Variants in PCDHA7 observed in about 807,000 individuals in gnomAD.
PCDHA7 encodes the protein protocadherin alpha-7.
PCDHA7 carries 37 observed loss-of-function variants against 57.2 expected under a neutral mutation model. That is an observed-to-expected ratio of 0.65 (90% CI 0.50 to 0.85). PCDHA7 has a LOEUF of 0.85. PCDHA7 is among the 40% of genes least tolerant of loss of function. The probability of loss-of-function intolerance (pLI) is 0.00; values close to 1 mark genes in which losing one functional copy is unlikely to be tolerated. For missense variants in PCDHA7, 1,188 were observed against 1,241.8 expected (o/e 0.96, Z 0.65); for synonymous variants, 553 against 558.8 (o/e 0.99, Z 0.15).
intron 1 of PCDHA7, chr5:140,869,751 C>T (rs1562632987): frequency 1.2e-6 from 2 of 1,613,134 alleles, no homozygotes; most frequent in Non-Finnish European, 1.7e-6. Context: ...CAGCTACAGA[C>T]GGGGGAAAAC....
chr5:140,865,419 T>A (rs1327080302), intron 1 of PCDHA7: 2 of 152,314 alleles, frequency 1.3e-5, no homozygotes, highest in African/African-American at 4.8e-5. Flanking sequence ...ATTAGTAGTG[T>A]CTACCTAGAA....
chr5:140,978,829 T>C, intron 1 of PCDHA7, 120 bp from the exon 2 acceptor site: 1 of 1,533,852 alleles, frequency 6.5e-7, no homozygotes, highest in Non-Finnish European at 8.8e-7. Flanking sequence ...ATGAAATGGC[T>C]CATTCAATAC....
At chr5:140,841,678 G>A in intron 1 of PCDHA7, 3 of 1,613,980 alleles carry the variant, frequency 1.9e-6, no homozygotes, top group Non-Finnish European at 1.7e-6. Context: ...TTTTCCATGT[G>A]GACGTGGAGG....
At chr5:140,965,371 T>C (rs1195667342) in intron 1 of PCDHA7, among the ~76,000 whole-genome samples, 9 of 152,124 alleles carry the variant, frequency 5.9e-5, no homozygotes, top group African/African-American at 1.2e-4. Flanking sequence ...AAGAGGAAAC[T>C]TGGGGACACA....
At chr5:140,887,125 C>G (rs1391575318) in intron 1 of PCDHA7, among the ~76,000 whole-genome samples, 3 of 150,080 alleles carry the variant, frequency 2.0e-5, no homozygotes. Context: ...GAGACGGAGT[C>G]TCACTCTGTC....
Position 140,863,280 on chromosome 5 carries a change from C to T in PCDHA7, c.2355+26542C>T, listed in dbSNP as rs782682336. The T allele has an allele frequency of 3.4e-6, 5 of 1,461,684 alleles. No individual in the cohort carries two copies. The African/African-American group carries it at 5.7e-5, about 17-fold the overall frequency. 90.5% of individuals were successfully genotyped at this position (1,461,684 alleles called of 1,614,324 possible). A position where few individuals can be genotyped will look rare whatever the true frequency, so the allele number is the denominator to read the frequency against. On this transcript the variant is annotated intron_variant, in intron 1 of 3. Coordinates refer to ENST00000525929, the MANE Select transcript of PCDHA7 (RefSeq NM_018910.3). ...TCCGGGAGGCAGCGCTGGTGGATGT[C>T]AACGTGTACCTGATCATCGCCATCT...
chr5:140,969,391 A>G, intron 1 of PCDHA7: 2 of 1,592,664 alleles, frequency 1.3e-6, no homozygotes, highest in South Asian at 2.3e-5. Flanking sequence ...ATCCCCCAAT[A>G]TCCTGTGATT....
intron 1 of PCDHA7, among the ~76,000 whole-genome samples, chr5:140,902,886 A>G (rs192404879): frequency 3.9e-5 from 6 of 152,276 alleles, no homozygotes; most frequent in Non-Finnish European, 7.4e-5. Flanking sequence ...TGCAAAAGCT[A>G]TTATTTTATT....
At chr5:140,870,578 C>A in intron 1 of PCDHA7, 1 of 1,613,882 alleles carries the variant, frequency 6.2e-7, no homozygotes. Flanking sequence ...GTGTCCTACT[C>A]GCTGGTGGAG....
chr5:140,987,407 T>C (rs1301920693), intron 3 of PCDHA7, among the ~76,000 whole-genome samples: 3 of 152,148 alleles, frequency 2.0e-5, no homozygotes, highest in Non-Finnish European at 4.4e-5. Flanking sequence ...CATCTGTTTA[T>C]GGTTCTTGTG....
At chr5:140,984,433 T>C (rs2097103477) in intron 3 of PCDHA7, among the ~76,000 whole-genome samples, 1 of 152,182 alleles carries the variant, frequency 6.6e-6, no homozygotes, top group East Asian at 1.9e-4. Flanking sequence ...GAAGGGGATC[T>C]CCCTTGTTCC....
chr5:140,927,417 G>T (rs74597681), intron 1 of PCDHA7: 1 of 1,614,100 alleles, frequency 6.2e-7, no homozygotes, highest in Non-Finnish European at 8.5e-7. Flanking sequence ...ACATGGGATC[G>T]CGGGTTGACG....
At chr5:140,927,638 G>C (rs781909639) in intron 1 of PCDHA7, 1 of 1,614,024 alleles carries the variant, frequency 6.2e-7, no homozygotes, top group Admixed American at 1.7e-5. Flanking sequence ...GCACCCAATG[G>C]GACTGTGTTA....
At chr5:140,930,902 T>C (rs1474835953) in intron 1 of PCDHA7, among the ~76,000 whole-genome samples, 1 of 152,212 alleles carries the variant, frequency 6.6e-6, no homozygotes, top group Non-Finnish European at 1.5e-5. Flanking sequence ...TTTAACTTAC[T>C]TTTCTACTTT....
chr5:140,958,385 A>C (rs2095421525), intron 1 of PCDHA7, among the ~76,000 whole-genome samples: 1 of 152,206 alleles, frequency 6.6e-6, no homozygotes, highest in African/African-American at 2.4e-5. Flanking sequence ...TTTTCTTAAC[A>C]GGTCATCAAA....
At chr5:140,941,215 C>CTTTCTTTCTTTCTTTG (rs2092887387) in intron 1 of PCDHA7, among the ~76,000 whole-genome samples, 2 of 104,510 alleles carry the variant, frequency 1.9e-5, no homozygotes, top group Non-Finnish European at 4.1e-5. Context: ...TTCTTTCTTC[C>CTTTCTTTCTTTCTTTG]TTTCTTTCTT....
chr5:140,870,726 G>A (rs782321328), intron 1 of PCDHA7: 15 of 1,613,118 alleles, frequency 9.3e-6, no homozygotes, highest in East Asian at 2.2e-5. Flanking sequence ...ATGCGGGCGT[G>A]CCGCCTCTGA....
chr5:140,917,042 G>A (rs73793522), intron 1 of PCDHA7, among the ~76,000 whole-genome samples: 8,683 of 152,228 alleles, frequency 0.057, 736 homozygotes, highest in African/African-American at 0.19. Flanking sequence ...GTCCAGCACA[G>A]TGTTGTTCCC....
intron 1 of PCDHA7, among the ~76,000 whole-genome samples, chr5:140,873,346 T>C (rs1235906519): frequency 1.5e-4 from 23 of 152,226 alleles, no homozygotes; most frequent in African/African-American, 4.8e-4. Flanking sequence ...CATCTCCAGA[T>C]GAAATTTTTG....
Sources: allele counts gnomAD v4.1 joint callset (sites outside exome capture counted in the v4.1 genomes callset), GRCh38; gene constraint gnomAD v4.1.1; transcripts MANE v1.5; gene names NCBI Gene and HGNC (gene_info 2026-07-23, HGNC 2026-07-21).